The following CHODL variants were observed in gnomAD, a reference collection of about 807,000 sequenced individuals.
CHODL encodes chondrolectin.
In CHODL, 29 loss-of-function variants were observed where a neutral mutation model predicts 34.5. The ratio of observed to expected loss-of-function variants is 0.84; its 90% CI spans 0.63 to 1.15. CHODL has a LOEUF of 1.15. Ranked by LOEUF, CHODL falls within the 50% of genes most tolerant of loss-of-function variation. The pLI, the probability that CHODL is intolerant of heterozygous loss-of-function variation, is 0.00. For synonymous variants in CHODL, 125 were observed against 116.1 expected, an observed-to-expected ratio of 1.08 and a Z score of -0.49; for missense variants, 332 against 332.5, an observed-to-expected ratio of 1.00 and a Z score of 0.01.
chr21:18,018,642 TAA>T (rs780628594), intron 1 of CHODL, among the ~76,000 whole-genome samples: 2 of 152,310 alleles, frequency 1.3e-5, no homozygotes, highest in East Asian at 3.9e-4. Context: ...GTGAGCCAAT[TAA>T]ACCTATTTTC....
chr21:17,970,293 A>T (rs1270292125), intron 1 of CHODL, among the ~76,000 whole-genome samples: 1 of 152,134 alleles, frequency 6.6e-6, no homozygotes, highest in Non-Finnish European at 1.5e-5. Flanking sequence ...AAATAAGGCC[A>T]CTATTTTAAT....
At chr21:17,938,588 C>T in intron 1 of CHODL, among the ~76,000 whole-genome samples, 1 of 148,934 alleles carries the variant, frequency 6.7e-6, no homozygotes. Context: ...GCGCCATTCT[C>T]CTGCCTCAGC....
intron 2 of CHODL, among the ~76,000 whole-genome samples, chr21:18,066,234 A>T (rs1394367876): frequency 6.6e-6 from 1 of 152,166 alleles, no homozygotes; most frequent in African/African-American, 2.4e-5. Flanking sequence ...TTGTTCCATA[A>T]ATAAGGAACA....
chr21:18,059,075 C>A (rs2064622114), intron 2 of CHODL, among the ~76,000 whole-genome samples: 2 of 152,064 alleles, frequency 1.3e-5, no homozygotes, highest in Admixed American at 1.3e-4. Flanking sequence ...CCAGATAGAG[C>A]CTTTAGGAAA....
chr21:17,950,497 A>AACACACACACACACACACACAC (rs200120318), intron 1 of CHODL, among the ~76,000 whole-genome samples: 1 of 130,276 alleles, frequency 7.7e-6, no homozygotes, highest in Non-Finnish European at 1.6e-5. Context: ...CTAGATACAC[A>AACACACACACACACACACACAC]ACACACACAC....
intron 2 of CHODL, among the ~76,000 whole-genome samples, chr21:18,089,108 T>C (rs2065041508): frequency 6.6e-6 from 1 of 152,216 alleles, no homozygotes; most frequent in African/African-American, 2.4e-5. Flanking sequence ...AAGCACAGCC[T>C]TTCAAAACAT....
rs543778370 is a variant in CHODL at position 17,975,758 on chromosome 21, C to T, written c.-144-52114C>T. 5.5e-3 allele frequency among the ~76,000 whole-genome samples: 834 copies of T among 152,204 alleles called. 12 individuals are homozygous for T. The highest frequency in any genetic ancestry group is 7.3e-3 in the Non-Finnish European group (498 of 68,008). ...CTCAATAAGACCTTCCATGCCCATC[C>T]TCATGTCTCCCCACCCCTGCCCACT... On this transcript the variant is annotated intron_variant, in intron 1 of 6. Transcript: ENST00000400127.
intron 2 of CHODL, among the ~76,000 whole-genome samples, chr21:18,096,195 C>G (rs975184526): frequency 6.6e-6 from 1 of 152,176 alleles, no homozygotes; most frequent in African/African-American, 2.4e-5. Context: ...TGTCTTTAAT[C>G]TCTTAATCCT....
intron 1 of CHODL, among the ~76,000 whole-genome samples, chr21:17,936,996 C>T (rs529060298): frequency 7.3e-5 from 11 of 150,816 alleles, no homozygotes; most frequent in Middle Eastern, 6.9e-3. Context: ...ATCACTTGAA[C>T]CCTGGAGGCA....
At chr21:18,055,852 T>A (rs528874100) in intron 2 of CHODL, among the ~76,000 whole-genome samples, 4 of 152,136 alleles carry the variant, frequency 2.6e-5, no homozygotes, top group African/African-American at 9.6e-5. Flanking sequence ...ACCAAAAGAT[T>A]CTTGGTCATC....
chr21:18,012,872 T>C (rs2064032261), intron 1 of CHODL, among the ~76,000 whole-genome samples: 1 of 152,186 alleles, frequency 6.6e-6, no homozygotes, highest in Non-Finnish European at 1.5e-5. Context: ...TTAATCTTAA[T>C]TACATATAAA....
chr21:18,122,900 C>T (rs756776852), intron 2 of CHODL, among the ~76,000 whole-genome samples: 2 of 152,120 alleles, frequency 1.3e-5, no homozygotes, highest in South Asian at 2.1e-4. Context: ...TCTCTCCCAT[C>T]GTTATATGTT....
chr21:18,211,669 G>A (rs2073776291), intron 2 of CHODL, among the ~76,000 whole-genome samples: 1 of 152,146 alleles, frequency 6.6e-6, no homozygotes, highest in Admixed American at 6.5e-5. Flanking sequence ...CCCCACTTCT[G>A]GGGCTTACTA....
chr21:18,193,377 G>A (rs922641739), intron 2 of CHODL, among the ~76,000 whole-genome samples: 5 of 151,938 alleles, frequency 3.3e-5, no homozygotes, highest in African/African-American at 4.8e-5. Flanking sequence ...AAAGCATTTC[G>A]TAGAAATCAC....
rs1017098057 is a variant in CHODL, at chr21:17,959,995, G to A, written c.-145+42595G>A. Among the ~76,000 whole-genome samples the A allele has an allele frequency of 1.2e-4, 18 of 152,062 alleles. 1 individual carries two copies. Among genetic ancestry groups the A allele is most frequent in the Admixed American group, 4.6e-4 (7 of 15,244 alleles). ...TGATATGGGCATTGGTGAACAGTGC[G>A]GGGGTGATAGAGGAGCAGATGATTA... On this transcript the variant is annotated intron_variant, in intron 1 of 6. Coordinates refer to the CHODL transcript ENST00000400127.
chr21:18,248,578 T>C (rs1271519081), intron 1 of CHODL, among the ~76,000 whole-genome samples: 1 of 139,574 alleles, frequency 7.2e-6, no homozygotes, highest in African/African-American at 2.7e-5. Context: ...TAAAAGGTAA[T>C]GTATTTTATA....
chr21:18,057,927 G>A (rs1008361434), intron 2 of CHODL, among the ~76,000 whole-genome samples: 7 of 151,916 alleles, frequency 4.6e-5, no homozygotes, highest in Non-Finnish European at 8.8e-5. Context: ...TTAAATCAGG[G>A]TAATTATTAC....
intron 2 of CHODL, among the ~76,000 whole-genome samples, chr21:18,227,956 A>G (rs2073945510): frequency 6.6e-6 from 1 of 152,186 alleles, no homozygotes; most frequent in Admixed American, 6.6e-5. Context: ...TCACTATTAT[A>G]TAACTGACAA....
chr21:18,038,404 C>T (rs1345963628), intron 2 of CHODL, among the ~76,000 whole-genome samples: 2 of 151,700 alleles, frequency 1.3e-5, no homozygotes, highest in African/African-American at 2.4e-5. Flanking sequence ...TTATGAAAGA[C>T]ATTGATTATG....
Sources: allele counts gnomAD v4.1 joint callset (sites outside exome capture counted in the v4.1 genomes callset), GRCh38; gene constraint gnomAD v4.1.1; transcripts MANE v1.5; gene names NCBI Gene and HGNC (gene_info 2026-07-23, HGNC 2026-07-21).